Variants in ZNF385D observed in about 807,000 individuals in gnomAD.
ZNF385D encodes the protein zinc finger protein 385D.
ZNF385D carries 15 observed loss-of-function variants against 35.8 expected under a neutral mutation model. That is an observed-to-expected ratio of 0.42 (90% CI 0.28 to 0.64). The LOEUF (loss-of-function observed/expected upper bound fraction) is 0.64. ZNF385D is among the 30% of genes least tolerant of loss of function. The pLI is 0.23. For missense variants in ZNF385D, 474 were observed against 494.6 expected (o/e 0.96, Z 0.39); for synonymous variants, 212 against 186.8 (o/e 1.13, Z -1.10).
At chr3:22,336,293 G>C (rs977235643) in intron 2 of ZNF385D, among the ~76,000 whole-genome samples, 5 of 152,198 alleles carry the variant, frequency 3.3e-5, no homozygotes, top group African/African-American at 1.2e-4. Context: ...TGTTCTTTTA[G>C]GGTGATGCCT....
At chr3:21,517,655 C>A (rs1707662857) in intron 3 of ZNF385D, among the ~76,000 whole-genome samples, 1 of 152,132 alleles carries the variant, frequency 6.6e-6, no homozygotes, top group Non-Finnish European at 1.5e-5. Context: ...CTGATTGGAA[C>A]CTGAGAGAGT....
At chr3:22,093,309 T>C (rs6763355) in intron 3 of ZNF385D, among the ~76,000 whole-genome samples, 79,326 of 151,398 alleles carry the variant, frequency 0.52, 21,579 homozygotes, top group African/African-American at 0.62. Flanking sequence ...TATATGCGCA[T>C]TGACCTAGAC....
At chr3:21,676,964 GA>G in intron 1 of ZNF385D, among the ~76,000 whole-genome samples, 1 of 151,962 alleles carries the variant, frequency 6.6e-6, no homozygotes, top group Non-Finnish European at 1.5e-5. Context: ...TACAAATCCA[GA>G]AAAAAAGAGA....
intron 3 of ZNF385D, among the ~76,000 whole-genome samples, chr3:21,524,069 T>C (rs1369226308): frequency 6.6e-6 from 1 of 152,212 alleles, no homozygotes; most frequent in East Asian, 1.9e-4. Flanking sequence ...CTCTTGCAAA[T>C]GCACGATTGG....
chr3:21,810,587 A>G (rs1400336075), intron 3 of ZNF385D, among the ~76,000 whole-genome samples: 1 of 152,142 alleles, frequency 6.6e-6, no homozygotes, highest in Non-Finnish European at 1.5e-5. Context: ...TTAATAAAAT[A>G]TAAACCAAAA....
chr3:21,789,129 T>G, intron 3 of ZNF385D, among the ~76,000 whole-genome samples: 1 of 152,204 alleles, frequency 6.6e-6, no homozygotes, highest in East Asian at 1.9e-4. Context: ...TTGTAGGCCA[T>G]TACTTGGTTC....
chr3:21,755,193 T>A (rs1018904744), upstream of ZNF385D, among the ~76,000 whole-genome samples: 7 of 152,214 alleles, frequency 4.6e-5, no homozygotes, highest in African/African-American at 1.7e-4. Flanking sequence ...TCCACCTTTA[T>A]CTTTTATCTA....
chr3:21,932,831 G>A (rs1004180365), intron 3 of ZNF385D, among the ~76,000 whole-genome samples: 2 of 152,020 alleles, frequency 1.3e-5, no homozygotes, highest in East Asian at 1.9e-4. Context: ...ATGCTTGTTC[G>A]TTTTCATAGC....
At chr3:21,512,593 G>C (rs1485445815) in intron 3 of ZNF385D, among the ~76,000 whole-genome samples, 1 of 152,182 alleles carries the variant, frequency 6.6e-6, no homozygotes. Flanking sequence ...TTATATATTA[G>C]AAACAGTTTG....
At chr3:21,857,101 G>C (rs947649844) in intron 3 of ZNF385D, among the ~76,000 whole-genome samples, 2 of 151,958 alleles carry the variant, frequency 1.3e-5, no homozygotes, top group Non-Finnish European at 2.9e-5. Flanking sequence ...TAAAACTGTA[G>C]TAACCTGATC....
At chr3:22,280,284 C>T (rs182212055) in intron 2 of ZNF385D, among the ~76,000 whole-genome samples, 4 of 151,656 alleles carry the variant, frequency 2.6e-5, no homozygotes, top group Admixed American at 2.6e-4. Flanking sequence ...TTATTTAAAT[C>T]CCATCTATTT....
At chr3:21,645,388 C>G (rs1463840765) in intron 2 of ZNF385D, among the ~76,000 whole-genome samples, 1 of 152,090 alleles carries the variant, frequency 6.6e-6, no homozygotes, top group Non-Finnish European at 1.5e-5. Context: ...ACCTCCACAA[C>G]CTACACATTT....
chr3:21,973,118 G>C (rs764576589), intron 3 of ZNF385D, among the ~76,000 whole-genome samples: 6 of 151,724 alleles, frequency 4.0e-5, no homozygotes, highest in Non-Finnish European at 8.9e-5. Context: ...AAAGAAAAAA[G>C]AAAGTAACAG....
intron 3 of ZNF385D, among the ~76,000 whole-genome samples, chr3:21,794,820 C>T (rs907126471): frequency 6.6e-6 from 1 of 152,184 alleles, no homozygotes; most frequent in Non-Finnish European, 1.5e-5. Context: ...CTGTCACTTA[C>T]CACTGCTGTG....
At chr3:22,305,348 T>C (rs1236962559) in intron 2 of ZNF385D, among the ~76,000 whole-genome samples, 2 of 152,208 alleles carry the variant, frequency 1.3e-5, no homozygotes, top group Admixed American at 6.5e-5. Context: ...AATTCACTCA[T>C]CCTTGCATGA....
chr3:21,778,477 A>C (rs1377241992), intron 3 of ZNF385D, among the ~76,000 whole-genome samples: 7 of 151,854 alleles, frequency 4.6e-5, no homozygotes, highest in Admixed American at 2.0e-4. Context: ...CTAAACATCG[A>C]AGCACCCTGT....
chr3:22,260,447 T>C (rs575766083), intron 2 of ZNF385D, among the ~76,000 whole-genome samples: 11 of 152,094 alleles, frequency 7.2e-5, no homozygotes, highest in African/African-American at 2.4e-4. Flanking sequence ...CAAACCACCA[T>C]GGCACATGTA....
At chr3:21,694,371 A>C (rs2125357385) in intron 1 of ZNF385D, among the ~76,000 whole-genome samples, 1 of 152,196 alleles carries the variant, frequency 6.6e-6, no homozygotes, top group Admixed American at 6.5e-5. Context: ...TGATGCAAGA[A>C]GGGCTCATAG....
chr3:21,918,054 G>A (rs1700276205), intron 3 of ZNF385D, among the ~76,000 whole-genome samples: 1 of 152,196 alleles, frequency 6.6e-6, no homozygotes, highest in Non-Finnish European at 1.5e-5. Context: ...TAGAGATGGA[G>A]CAGAGTTTTG....
Sources: allele counts gnomAD v4.1 joint callset (sites outside exome capture counted in the v4.1 genomes callset), GRCh38; gene constraint gnomAD v4.1.1; transcripts MANE v1.5; gene names NCBI Gene and HGNC (gene_info 2026-07-23, HGNC 2026-07-21).